Variants in ARFGEF1 observed in about 807,000 individuals in gnomAD.
ARFGEF1 encodes ARF guanine nucleotide exchange factor 1, also known as brefeldin A-inhibited guanine nucleotide-exchange protein 1.
A neutral mutation model predicts 231.0 loss-of-function variants in ARFGEF1; 42 were observed. The observed-to-expected ratio is 0.18, with a 90% CI of 0.14 to 0.24. ARFGEF1 has a LOEUF of 0.24. Among genes scored for constraint, ARFGEF1 ranks in the 10% least tolerant of loss-of-function variants. The pLI is 1.00. For missense variants in ARFGEF1, 1,345 were observed against 2,192.0 expected (o/e 0.61, Z 7.72); for synonymous variants, 710 against 732.3 (o/e 0.97, Z 0.49).
chr8:67,288,848 T>G (rs1054883896), intron 6 of ARFGEF1, among the ~76,000 whole-genome samples: 2 of 152,158 alleles, frequency 1.3e-5, no homozygotes, highest in Non-Finnish European at 2.9e-5. Context: ...CCCAGTACTT[T>G]CTGGCCCTTC....
At chr8:67,187,707 C>T (rs770485148) in intron 5 of ARFGEF1, among the ~76,000 whole-genome samples, 1 of 152,028 alleles carries the variant, frequency 6.6e-6, no homozygotes, top group Non-Finnish European at 1.5e-5. Context: ...AATAGACTCA[C>T]GCAAATACAG....
intron 19 of ARFGEF1, among the ~76,000 whole-genome samples, chr8:67,241,449 A>G (rs1839924394): frequency 6.6e-6 from 1 of 152,206 alleles, no homozygotes; most frequent in Admixed American, 6.5e-5. Flanking sequence ...ATACAAGAAG[A>G]GATACAAACG....
chr8:67,311,326 C>T (rs1388691285), intron 1 of ARFGEF1, among the ~76,000 whole-genome samples: 3 of 108,084 alleles, frequency 2.8e-5, no homozygotes, highest in African/African-American at 7.4e-5. Flanking sequence ...CTGCCCCATC[C>T]AGGAGGTGAG....
At chr8:67,205,443 T>C (rs1838478425) in intron 34 of ARFGEF1, among the ~76,000 whole-genome samples, 1 of 152,220 alleles carries the variant, frequency 6.6e-6, no homozygotes, top group South Asian at 2.1e-4. Context: ...AGAACAATAA[T>C]ATATTCAAGA....
chr8:67,222,918 C>T (rs1255623964), intron 29 of ARFGEF1, among the ~76,000 whole-genome samples: 3 of 152,274 alleles, frequency 2.0e-5, no homozygotes, highest in Admixed American at 6.5e-5. Context: ...CAAACACCAC[C>T]GTATTAACAG....
At chr8:67,311,722 C>T (rs1807076751) in intron 1 of ARFGEF1, among the ~76,000 whole-genome samples, 1 of 152,230 alleles carries the variant, frequency 6.6e-6, no homozygotes, top group Non-Finnish European at 1.5e-5. Context: ...CGGCCACCAC[C>T]CTGTCTGGGA....
Position 67,343,247 on chromosome 8 carries a change from C to G in ARFGEF1, c.41G>C (p.Arg14Pro). ...GKKTKNMFLT[R>P]ALEKILADKE... Reference sequence around the variant, plus strand: ...GTCGGCCAATATCTTCTCCAGAGCCCGGGTCAGGAACATGTTCTTCGTCTT... The same window carrying G: ...GTCGGCCAATATCTTCTCCAGAGCCGGGGTCAGGAACATGTTCTTCGTCTT... The change falls in exon 1 of 39, where the codon CGG becomes CCG. Residue 14 changes from arginine to proline, a missense_variant. By Grantham distance (103) the Arg-to-Pro change is moderately radical (BLOSUM62 -2). Around this residue, in one of 14 missense-constraint regions of ARFGEF1, gnomAD observed 398 missense variants for 463.2 expected, o/e 0.86. Transcript: ENST00000262215. The G allele has an allele frequency of 6.2e-7, 1 of 1,613,934 alleles. No individual in the cohort carries two copies.
intron 1 of ARFGEF1, among the ~76,000 whole-genome samples, chr8:67,312,613 T>C (rs921790323): frequency 6.6e-6 from 1 of 152,222 alleles, no homozygotes. Context: ...TCAGAAGTTT[T>C]GAAACACCGT....
rs1838503480 is a variant in ARFGEF1, at chr8:67,206,056, A to G, written c.4820-1237T>C. Among the ~76,000 whole-genome samples, 4 of 152,246 alleles carry G rather than the reference A, an allele frequency of 2.6e-5. No individual in the cohort carries two copies. In the South Asian group the frequency reaches 8.3e-4, roughly 32 times the overall value. On this transcript the variant is annotated intron_variant, in intron 34 of 38. Transcript: ENST00000262215. ...ATGTTTTATTTGGATCCAGATTCGT[A>G]GTTGTGACTGAAATTACCTCTTATT...
At chr8:67,181,446 T>A (rs1228791769) in intron 5 of ARFGEF1, among the ~76,000 whole-genome samples, 1 of 151,304 alleles carries the variant, frequency 6.6e-6, no homozygotes, top group Non-Finnish European at 1.5e-5. Flanking sequence ...GAAGATTGCT[T>A]GTCAGGGAAA....
At chr8:67,196,933 A>C (rs1022552814), downstream of ARFGEF1, among the ~76,000 whole-genome samples, 3 of 152,098 alleles carry the variant, frequency 2.0e-5, no homozygotes, top group South Asian at 4.2e-4. Flanking sequence ...TCATTATCTA[A>C]GAGAGGTGTG....
At chr8:67,309,731 G>A (rs1231894243) in intron 1 of ARFGEF1, among the ~76,000 whole-genome samples, 2 of 152,186 alleles carry the variant, frequency 1.3e-5, no homozygotes, top group Non-Finnish European at 2.9e-5. Flanking sequence ...CTCAGATTCA[G>A]GGGTGTTAAC....
At chr8:67,317,776 G>A (rs1807388892) in intron 1 of ARFGEF1, among the ~76,000 whole-genome samples, 1 of 151,544 alleles carries the variant, frequency 6.6e-6, no homozygotes, top group Admixed American at 6.6e-5. Flanking sequence ...GCACTTGCCT[G>A]TAGTCCCAGC....
chr8:67,254,991 C>T (rs1840409945), intron 17 of ARFGEF1, among the ~76,000 whole-genome samples: 1 of 151,754 alleles, frequency 6.6e-6, no homozygotes, highest in Admixed American at 6.6e-5. Context: ...TAAAAGACTA[C>T]ACACTGCTGC....
chr8:67,182,892 A>G (rs1833416021), intron 5 of ARFGEF1, among the ~76,000 whole-genome samples: 1 of 152,212 alleles, frequency 6.6e-6, no homozygotes, highest in Admixed American at 6.5e-5. Flanking sequence ...CCCTTATCAG[A>G]TACATGATTT....
intron 8 of ARFGEF1, 79 bp from the exon 9 acceptor site, chr8:67,276,188 T>C (rs554232142): frequency 6.8e-6 from 10 of 1,466,350 alleles, no homozygotes; most frequent in South Asian, 4.9e-5. Flanking sequence ...CTGTATTTCA[T>C]TCAATTCACT....
In ARFGEF1 at chr8:67,335,732, G is replaced by T. The variant is rs975352557; in HGVS notation, c.124+7432C>A. 9.2e-5 allele frequency among the ~76,000 whole-genome samples: 14 copies of T among 152,046 alleles called. No homozygotes were observed. The East Asian group carries it at 2.7e-3, about 29-fold the overall frequency. On this transcript the variant is annotated intron_variant, in intron 1 of 38. Transcript: ENST00000262215. Reference sequence around the variant, plus strand: ...CCTAAAGACACGCCAGTGGTAATATGAAATATTTTAAAGATTTTCTTTTTT... The same window carrying T: ...CCTAAAGACACGCCAGTGGTAATATTAAATATTTTAAAGATTTTCTTTTTT...
At chr8:67,212,709 G>A (rs1838793219) in intron 33 of ARFGEF1, among the ~76,000 whole-genome samples, 1 of 150,780 alleles carries the variant, frequency 6.6e-6, no homozygotes, top group African/African-American at 2.5e-5. Flanking sequence ...AGATGGGCCT[G>A]TGTTACCAGA....
At chr8:67,231,471 ATG>A (rs1298717985) in intron 23 of ARFGEF1, among the ~76,000 whole-genome samples, 3 of 152,130 alleles carry the variant, frequency 2.0e-5, no homozygotes, top group Non-Finnish European at 4.4e-5. Context: ...AATGAGTAAC[ATG>A]TCCCTCTGTA....
Sources: gnomAD v4.1 joint callset for allele counts (sites outside exome capture counted in the v4.1 genomes callset) on GRCh38, gnomAD v4.1.1 for gene constraint, gnomAD v4.1.1 regional missense constraint, MANE v1.5 for transcripts, NCBI Gene and HGNC (gene_info 2026-07-23, HGNC 2026-07-21) for gene names.